RGS7: variants seen among roughly 807,000 people sequenced by gnomAD.
RGS7 encodes regulator of G protein signaling 7, also known as regulator of G-protein signaling 7.
A neutral mutation model predicts 81.1 loss-of-function variants in RGS7; 27 were observed. The observed-to-expected ratio is 0.33, with a 90% CI of 0.25 to 0.46. RGS7 has a LOEUF of 0.46. Among genes scored for constraint, RGS7 ranks in the 20% least tolerant of loss-of-function variants. The pLI, the probability that RGS7 is intolerant of heterozygous loss-of-function variation, is 1.00. For synonymous variants in RGS7, 208 were observed against 207.7 expected (o/e 1.00, Z -0.01); for missense variants, 396 against 607.4 (o/e 0.65, Z 3.66).
intron 4 of RGS7, among the ~76,000 whole-genome samples, chr1:240,955,531 G>A (rs1674751): frequency 0.88 from 129,481 of 146,888 alleles, 56,920 homozygotes; most frequent in Admixed American, 0.94. Flanking sequence ...CAGCCTGGGC[G>A]GCAGAGCAAG....
chr1:241,090,695 T>C (rs2492992), intron 3 of RGS7, among the ~76,000 whole-genome samples: 4 of 152,030 alleles, frequency 2.6e-5, no homozygotes. Context: ...CTCTGAATTA[T>C]AGAATTTATG....
At chr1:240,810,807 T>C (rs1689719790) in intron 14 of RGS7, among the ~76,000 whole-genome samples, 1 of 152,174 alleles carries the variant, frequency 6.6e-6, no homozygotes, top group East Asian at 1.9e-4. Context: ...AAAATGTTAT[T>C]AGTAGTCTCA....
intron 4 of RGS7, among the ~76,000 whole-genome samples, chr1:240,963,595 GA>G (rs1681815123): frequency 6.6e-6 from 1 of 152,142 alleles, no homozygotes. Flanking sequence ...TTTGCAACAA[GA>G]AAAATATCAG....
chr1:241,061,655 G>A (rs775537337), intron 3 of RGS7, among the ~76,000 whole-genome samples: 3 of 152,160 alleles, frequency 2.0e-5, no homozygotes, highest in Non-Finnish European at 4.4e-5. Flanking sequence ...TAGGGAACAG[G>A]CGAGGAGAAG....
intron 2 of RGS7, chr1:241,306,015 G>C (rs2080089615): frequency 6.5e-6 from 1 of 154,730 alleles, no homozygotes; most frequent in Non-Finnish European, 1.4e-5. Flanking sequence ...ATTTGGAAAG[G>C]TTTATGGGGG....
intron 3 of RGS7, among the ~76,000 whole-genome samples, chr1:241,074,973 C>T (rs1373044731): frequency 6.6e-6 from 1 of 152,150 alleles, no homozygotes; most frequent in Non-Finnish European, 1.5e-5. Context: ...GAATTATTTA[C>T]TGAGCTTCCC....
In RGS7 at chr1:241,028,980, G is replaced by A. The variant is rs2059930957; in HGVS notation, c.176-45851C>T. ...AAACTAAGAATAAGATGAATGGTGA[G>A]AGGAAGAAAGGATGTTCCAGCCAAG... On this transcript the variant is annotated intron_variant, in intron 3 of 18. Coordinates refer to ENST00000440928, the MANE Select transcript of RGS7 (RefSeq NM_001364886.1). 3.9e-5 allele frequency among the ~76,000 whole-genome samples: 6 copies of A among 152,190 alleles called. No individual in the cohort carries two copies. In the South Asian group the frequency reaches 1.2e-3, roughly 32 times the overall value.
At chr1:240,908,030 G>A (rs1053317701) in intron 6 of RGS7, among the ~76,000 whole-genome samples, 1 of 151,790 alleles carries the variant, frequency 6.6e-6, no homozygotes, top group Admixed American at 6.6e-5. Context: ...AGTCAGAACA[G>A]TTTTTGTTTT....
chr1:240,816,198 C>T (rs1690765838), intron 11 of RGS7, 119 bp downstream of exon 11: 2 of 746,126 alleles, frequency 2.7e-6, no homozygotes, highest in Non-Finnish European at 2.5e-6. Flanking sequence ...AAATCTTCCA[C>T]ATGAAACAGT....
At chr1:240,919,280 G>GTAATCTCAT (rs1215124756) in intron 6 of RGS7, among the ~76,000 whole-genome samples, 21 of 151,930 alleles carry the variant, frequency 1.4e-4, no homozygotes, top group African/African-American at 5.1e-4. Flanking sequence ...TACCAAAAAG[G>GTAATCTCAT]AAGACTACAG....
chr1:241,136,279 C>G (rs60489080), intron 2 of RGS7, among the ~76,000 whole-genome samples: 1,939 of 152,264 alleles, frequency 0.013, 24 homozygotes, highest in African/African-American at 0.044. Flanking sequence ...GATAAAAATA[C>G]TGATTTCAAG....
At chr1:240,964,285 C>G (rs1681941593) in intron 4 of RGS7, among the ~76,000 whole-genome samples, 1 of 152,270 alleles carries the variant, frequency 6.6e-6, no homozygotes, top group Non-Finnish European at 1.5e-5. Flanking sequence ...GAATAATCAT[C>G]CCACTAAATA....
chr1:241,182,553 T>C (rs546242711), intron 2 of RGS7, among the ~76,000 whole-genome samples: 11 of 152,210 alleles, frequency 7.2e-5, no homozygotes, highest in African/African-American at 2.4e-4. Flanking sequence ...CTGGGTATTG[T>C]GCCTCCGTTT....
At chr1:241,106,647 C>T (rs1219360046) in intron 2 of RGS7, among the ~76,000 whole-genome samples, 11 of 140,006 alleles carry the variant, frequency 7.9e-5, no homozygotes, top group African/African-American at 2.9e-4. Flanking sequence ...ACCTGGGAGG[C>T]GGAGGTTGCA....
intron 3 of RGS7, among the ~76,000 whole-genome samples, chr1:241,035,631 A>G (rs1321317271): frequency 6.6e-6 from 1 of 152,066 alleles, no homozygotes; most frequent in Non-Finnish European, 1.5e-5. Context: ...CAGCATCACC[A>G]TTACCACCCC....
intron 18 of RGS7, among the ~76,000 whole-genome samples, chr1:240,799,251 GTT>G (rs890005194): frequency 1.6e-3 from 42 of 26,566 alleles, no homozygotes; most frequent in Non-Finnish European, 4.0e-3. Context: ...TATTATTATG[GTT>G]TGTGTGTGTG....
intron 3 of RGS7, among the ~76,000 whole-genome samples, chr1:241,032,767 T>C (rs1400787313): frequency 1.3e-5 from 2 of 152,224 alleles, no homozygotes; most frequent in Non-Finnish European, 2.9e-5. Context: ...GACTTCTTCA[T>C]GGGTTCTCAA....
At chr1:241,095,143 T>C (rs2064160146) in intron 3 of RGS7, among the ~76,000 whole-genome samples, 2 of 152,160 alleles carry the variant, frequency 1.3e-5, no homozygotes, top group South Asian at 2.1e-4. Context: ...AGGTGGCCAC[T>C]GATCCCAGAG....
chr1:240,846,660 C>T (rs1327851177), intron 9 of RGS7, among the ~76,000 whole-genome samples: 1 of 152,214 alleles, frequency 6.6e-6, no homozygotes, highest in African/African-American at 2.4e-5. Flanking sequence ...GGTATTCTCA[C>T]TCTGTGTGGT....
Sources: allele counts gnomAD v4.1 joint callset (sites outside exome capture counted in the v4.1 genomes callset), GRCh38; gene constraint gnomAD v4.1.1; transcripts MANE v1.5; gene names NCBI Gene and HGNC (gene_info 2026-07-23, HGNC 2026-07-21).